Variants in PASK observed in about 807,000 individuals in gnomAD.
PASK encodes PAS domain containing serine/threonine kinase, also known as PAS domain-containing serine/threonine-protein kinase.
Under a neutral mutation model 121.0 loss-of-function variants are expected in PASK, and 110 were observed. That is an observed-to-expected ratio of 0.91 (90% CI 0.78 to 1.06). PASK has a LOEUF of 1.06. Among genes scored for constraint, PASK ranks in the 50% least tolerant of loss-of-function variants. The pLI, the probability that PASK is intolerant of heterozygous loss-of-function variation, is 0.00. For synonymous variants in PASK, 686 were observed against 717.8 expected (o/e 0.96, Z 0.71); for missense variants, 1,643 against 1,702.3 (o/e 0.97, Z 0.61).
upstream of PASK, chr2:241,149,774 T>C (rs946575947): frequency 2.6e-6 from 4 of 1,536,748 alleles, no homozygotes; most frequent in African/African-American, 4.1e-5. Context: ...GGGCGGCTCG[T>C]TCATGGGCCG....
chr2:241,119,704 T>G (rs2065524386), intron 12 of PASK, among the ~76,000 whole-genome samples: 1 of 152,132 alleles, frequency 6.6e-6, no homozygotes, highest in South Asian at 2.1e-4. Context: ...TCTCCTGACC[T>G]CGTGATCCAC....
rs781005025 is a variant in PASK at position 241,138,113 on chromosome 2, A to AT, written c.742-27dup. 6.2e-6 allele frequency: 10 copies of AT among 1,612,832 alleles called. 1 individual carries two copies. Among genetic ancestry groups the AT allele is most frequent in the South Asian group, 2.2e-5 (2 of 90,808 alleles). On this transcript the variant is annotated intron_variant, in intron 5 of 17. Transcript: ENST00000234040. ...CTGGAGGAAAAGCCCCGTGCTTATC[A>AT]TAAAAGCTTCTTGTGCTCCAGCTGT...
intron 7 of PASK, 35 bp downstream of exon 7, chr2:241,136,969 A>G (rs748977920): frequency 6.2e-7 from 1 of 1,602,102 alleles, no homozygotes; most frequent in Non-Finnish European, 8.5e-7. Flanking sequence ...GCTTCCTCCC[A>G]GGGAACGGGA....
chr2:241,148,962 G>C (rs895715969), intron 1 of PASK, among the ~76,000 whole-genome samples: 4 of 152,088 alleles, frequency 2.6e-5, no homozygotes, highest in East Asian at 1.9e-4. Flanking sequence ...CACGAGCGCC[G>C]GCGGCGCGCG....
chr2:241,137,288 G>C (rs759488776), intron 6 of PASK, 24 bp from the exon 7 acceptor site: 118 of 1,610,186 alleles, frequency 7.3e-5, no homozygotes, highest in South Asian at 6.9e-4. Context: ...TTGTCGTTTG[G>C]CTTAAGCCGT....
rs140723245 is a variant in PASK at position 241,126,688 on chromosome 2, G to A, written c.2227C>T (p.Leu743Phe). ...TGGTCACTGAAAAAGAGTTCCTTGA[G>A]GTTCCAGGAAAACGAATTCACATCA... ...EVDVNSFSWN[L>F]KELFFSDQTD... is the part of the protein sequence containing the mutation. The change falls in exon 10 of 18, where the codon CTC becomes TTC. Residue 743 changes from leucine (L) to phenylalanine (F), a missense_variant. Physicochemically the swap from Leu to Phe is conservative, Grantham distance 22. Transcript: ENST00000234040. 164 of 1,614,082 alleles carry A rather than the reference G, an allele frequency of 1.0e-4. No homozygotes were observed. The highest frequency in any genetic ancestry group is 9.9e-4 in the Middle Eastern group (6 of 6,084).
Position 241,138,103 on chromosome 2 carries a change from C to T in PASK, c.742-16G>A, listed in dbSNP as rs200957317. The T allele has an allele frequency of 2.2e-5, 36 of 1,613,456 alleles. No individual in the cohort carries two copies. Among genetic ancestry groups the T allele is most frequent in the Admixed American group, 3.3e-5 (2 of 59,930 alleles). Reference sequence around the variant, plus strand: ...TGACGGTGCCCTGGAGGAAAAGCCCCGTGCTTATCATAAAAGCTTCTTGTG... The same window carrying T: ...TGACGGTGCCCTGGAGGAAAAGCCCTGTGCTTATCATAAAAGCTTCTTGTG... On this transcript the variant is annotated splice_polypyrimidine_tract_variant and intron_variant, in intron 5 of 17. Coordinates refer to ENST00000234040, the MANE Select transcript of PASK (RefSeq NM_015148.4).
chr2:241,125,058 T>A (rs916288487), intron 10 of PASK, among the ~76,000 whole-genome samples: 7 of 151,982 alleles, frequency 4.6e-5, no homozygotes, highest in Admixed American at 4.6e-4. Flanking sequence ...CCCAGCACTT[T>A]GGGAGGCCGA....
intron 1 of PASK, among the ~76,000 whole-genome samples, chr2:241,143,571 A>AG (rs1322122753): frequency 2.0e-5 from 3 of 152,072 alleles, no homozygotes; most frequent in Admixed American, 6.5e-5. Flanking sequence ...AAAAAAAAAA[A>AG]GAAGCTCTTT....
intron 12 of PASK, among the ~76,000 whole-genome samples, chr2:241,120,879 T>C (rs1007648877): frequency 6.6e-6 from 1 of 152,212 alleles, no homozygotes; most frequent in African/African-American, 2.4e-5. Flanking sequence ...CAATTGTTCA[T>C]AGAAGCATTA....
chr2:241,142,385 GGAGGCACCAACGGAATCTGGACAT>G (rs1575341628), intron 2 of PASK, among the ~76,000 whole-genome samples: 1 of 151,776 alleles, frequency 6.6e-6, no homozygotes, highest in East Asian at 1.9e-4. Context: ...CCTGGACAAA[GGAGGCACCAACGGAATCTGGACAT>G]AGGAGGCACC....
In PASK at chr2:241,112,156, G is replaced by A; in HGVS notation, c.3533+84C>T. 9.7e-7 allele frequency: 1 copy of A among 1,028,366 alleles called. No individual in the cohort carries two copies. Among genetic ancestry groups the A allele is most frequent in the Non-Finnish European group, 1.5e-6 (1 of 650,092 alleles). The allele number at this position is 1,028,366 out of a possible 1,614,324, so 63.7% of individuals were successfully genotyped here. A position where few individuals can be genotyped will look rare whatever the true frequency, so the allele number is the denominator to read the frequency against. On this transcript the variant is annotated intron_variant, in intron 15 of 17. Coordinates refer to ENST00000234040, the MANE Select transcript of PASK (RefSeq NM_015148.4). This position sits in a 1 kb window ranked among gnomAD's most constrained non-coding sequence, Gnocchi z 5.2. Reference sequence around the variant, plus strand: ...CTCATCACAAAGAGGCACAAAGGAAGCCATTTTCCCACCCAAAATCAAGCC... The same window carrying A: ...CTCATCACAAAGAGGCACAAAGGAAACCATTTTCCCACCCAAAATCAAGCC...
At position 241,113,880 on chromosome 2, in the gene PASK, T is replaced by C. The variant is rs1336139120; in HGVS notation, c.3333+1163A>G. 4 of 985,340 alleles carry C rather than the reference T, an allele frequency of 4.1e-6. No homozygotes were observed. In the East Asian group the frequency reaches 3.4e-4, roughly 84 times the overall value. The allele number at this position is 985,340 out of a possible 1,614,324, so 61.0% of individuals were successfully genotyped here. On this transcript the variant is annotated intron_variant, in intron 14 of 17. Transcript: ENST00000234040. ...GGCAATGCCCTGAGAACCAGCATGA[T>C]TCCTACATACATTGATGTGCGATCA...
chr2:241,122,686 A>C (rs768688698), intron 12 of PASK, 46 bp downstream of exon 12: 19 of 1,576,674 alleles, frequency 1.2e-5, no homozygotes, highest in Middle Eastern at 1.7e-4. Context: ...GTCGAGAGCC[A>C]TGTGAAGTGG....
chr2:241,123,742 C>G (rs184089284), intron 11 of PASK, among the ~76,000 whole-genome samples: 1 of 151,392 alleles, frequency 6.6e-6, no homozygotes, highest in Non-Finnish European at 1.5e-5. Context: ...CACTTGAACC[C>G]GGGAAGCAGA....
At chr2:241,121,847 G>A (rs2065627502) in intron 12 of PASK, among the ~76,000 whole-genome samples, 1 of 152,158 alleles carries the variant, frequency 6.6e-6, no homozygotes, top group African/African-American at 2.4e-5. Flanking sequence ...AGTAAAATCT[G>A]GGAGGATTAC....
At position 241,108,582 on chromosome 2, in the gene PASK, G is replaced by A. The variant is rs2064981774; in HGVS notation, c.3534-282C>T. 1.0e-5 allele frequency: 5 copies of A among 486,124 alleles called. No individual in the cohort carries two copies. Among genetic ancestry groups the A allele is most frequent in the Non-Finnish European group, 1.9e-5 (5 of 264,006 alleles). The allele number at this position is 486,124 out of a possible 1,614,324, so 30.1% of individuals were successfully genotyped here. A position where few individuals can be genotyped will look rare whatever the true frequency, so the allele number is the denominator to read the frequency against. On this transcript the variant is annotated intron_variant, in intron 15 of 17. Coordinates refer to ENST00000234040, the MANE Select transcript of PASK (RefSeq NM_015148.4). The surrounding 1 kb of genome is among the most constrained non-coding windows in gnomAD (Gnocchi z 5.2). ...CCAACCACAAGACGTGTCTACCAGA[G>A]GGGGGAGCGGGGGGAGGGCTTCCTG...
At chr2:241,120,423 G>T (rs2065553632) in intron 12 of PASK, among the ~76,000 whole-genome samples, 1 of 151,692 alleles carries the variant, frequency 6.6e-6, no homozygotes, top group Admixed American at 6.6e-5. Context: ...AACCTGGGAG[G>T]TGGAGGTTGC....
intron 9 of PASK, among the ~76,000 whole-genome samples, chr2:241,128,988 CGTCTGCCTGCCTCTCTCCCTCCAT>C (rs887893365): frequency 2.6e-5 from 4 of 151,904 alleles, no homozygotes; most frequent in African/African-American, 7.3e-5. Context: ...TGAGGGTCTG[CGTCTGCCTGCCTCTCTCCCTCCAT>C]GTCTCCCGCC....
Sources: allele counts gnomAD v4.1 joint callset (sites outside exome capture counted in the v4.1 genomes callset), GRCh38; gene constraint gnomAD v4.1.1; non-coding constraint Gnocchi (gnomAD v3.1); transcripts MANE v1.5; gene names NCBI Gene and HGNC (gene_info 2026-07-23, HGNC 2026-07-21).